Variants in FCHO2 observed in about 807,000 individuals in gnomAD.
The protein encoded by FCHO2 is F-BAR domain only protein 2.
In FCHO2, 43 loss-of-function variants were observed where a neutral mutation model predicts 114.1. That is an observed-to-expected ratio of 0.38 (90% confidence interval 0.30 to 0.49). FCHO2 has a LOEUF of 0.49. Among genes scored for constraint, FCHO2 ranks in the 20% least tolerant of loss-of-function variants. The pLI, the probability that FCHO2 is intolerant of heterozygous loss-of-function variation, is 0.97. For missense variants in FCHO2, 807 were observed against 950.4 expected (o/e 0.85, Z 1.98); for synonymous variants, 293 against 315.2 (o/e 0.93, Z 0.75).
Position 73,017,298 on chromosome 5 carries a change from GGAAAGA to G in FCHO2, c.787_792del (p.Glu263_Arg264del). The G allele has an allele frequency of 6.4e-7, 1 of 1,553,988 alleles. No individual in the cohort carries two copies. The highest frequency in any genetic ancestry group is 8.7e-7 in the Non-Finnish European group (1 of 1,146,790). On this transcript the variant is annotated inframe_deletion, in exon 8 of 26. Transcript: ENST00000430046. ...TTGCTGAGTCAAAAGGCACTGGGAAGGAAAGACCTGGTAAGATGATAAACTCTGCAA... is the reference window on the plus strand; with the variant it reads ...TTGCTGAGTCAAAAGGCACTGGGAAGCCTGGTAAGATGATAAACTCTGCAA...
rs1754153723 is a variant in FCHO2, at chr5:72,996,971, G to T, written c.495+6107G>T. On this transcript the variant is annotated intron_variant, in intron 5 of 25. Transcript: ENST00000430046. ...GCTGCGCACGTTCGTGGCCTTCGCC[G>T]CCAAGCTCTGGAGCTTCTCCGCCCT... 9.3e-6 allele frequency: 15 copies of T among 1,606,990 alleles called. 1 individual carries two copies. The South Asian group carries it at 1.2e-4, about 13-fold the overall frequency.
intron 11 of FCHO2, among the ~76,000 whole-genome samples, chr5:73,050,277 C>T (rs1757279532): frequency 6.6e-6 from 1 of 150,944 alleles, no homozygotes; most frequent in South Asian, 2.1e-4. Flanking sequence ...CTCCCTCCCT[C>T]TCTGTTTAGC....
intron 25 of FCHO2, 55 bp downstream of exon 25, chr5:73,087,808 A>G (rs1429962879): frequency 1.3e-6 from 2 of 1,520,002 alleles, no homozygotes; most frequent in African/African-American, 2.8e-5. Context: ...TTGTATTCTA[A>G]CAGTTATTAA....
At chr5:73,056,218 G>T in intron 16 of FCHO2, 111 bp downstream of exon 16, 1 of 751,416 alleles carries the variant, frequency 1.3e-6, no homozygotes, top group Non-Finnish European at 2.1e-6. Context: ...TATGCTCCCT[G>T]CCCCTTCATA....
intron 18 of FCHO2, among the ~76,000 whole-genome samples, chr5:73,067,611 G>A (rs1742417367): frequency 6.6e-6 from 1 of 151,924 alleles, no homozygotes; most frequent in African/African-American, 2.4e-5. Flanking sequence ...TGCAAGTAGG[G>A]TTTTGTTTTT....
intron 2 of FCHO2, among the ~76,000 whole-genome samples, chr5:72,984,559 C>T (rs1753401206): frequency 6.6e-6 from 1 of 152,152 alleles, no homozygotes; most frequent in African/African-American, 2.4e-5. Context: ...TTTCTTTAAT[C>T]ATTATAGGAC....
At chr5:73,020,868 T>C (rs1018104898) in intron 8 of FCHO2, 15 of 1,000,808 alleles carry the variant, frequency 1.5e-5, no homozygotes, top group Non-Finnish European at 2.4e-5. Context: ...CCATTAAGTG[T>C]AGCACCTGTA....
chr5:72,968,552 A>C lies in FCHO2; in HGVS notation c.88A>C (p.Ile30Leu). 1 of 1,545,124 alleles carries C rather than the reference A, an allele frequency of 6.5e-7. No individual in the cohort carries two copies. Among genetic ancestry groups the C allele is most frequent in the South Asian group, 1.3e-5 (1 of 77,016 alleles). Residue 30 changes from isoleucine to leucine, a missense_variant, in exon 2 of 26, where the codon ATA (isoleucine) becomes CTA (leucine). By Grantham distance (5) the Ile-to-Leu change is conservative (BLOSUM62 2). Transcript: ENST00000430046. ...CTACCATAATATGAAACATGGACAG[A>C]TATCAACAAAAGAACTAGCAGATTT... ...VLYHNMKHGQISTKELADFVR... is the reference protein window; with the variant it reads ...VLYHNMKHGQLSTKELADFVR...
intron 13 of FCHO2, 90 bp downstream of exon 13, chr5:73,052,597 A>G (rs901373426): frequency 8.0e-5 from 82 of 1,022,918 alleles, no homozygotes; most frequent in Admixed American, 3.0e-5. Flanking sequence ...AGCAATTGTT[A>G]AGCATGTTGA....
chr5:73,054,059 A>T (rs1224903298), intron 13 of FCHO2, 101 bp from the exon 14 acceptor site: 19 of 876,472 alleles, frequency 2.2e-5, no homozygotes, highest in Non-Finnish European at 3.0e-5. Context: ...AGGTGTATAT[A>T]GTTTAGATAT....
intron 2 of FCHO2, among the ~76,000 whole-genome samples, chr5:72,981,157 A>T (rs757120542): frequency 9.9e-5 from 15 of 152,120 alleles, no homozygotes; most frequent in Admixed American, 2.0e-4. Flanking sequence ...GAAATCTCTC[A>T]GCATTTGCTT....
At position 73,051,384 on chromosome 5, in the gene FCHO2, TA is replaced by T; in HGVS notation, c.978del (p.Lys326AsnfsTer32). The T allele has an allele frequency of 6.5e-7, 1 of 1,535,952 alleles. No homozygotes were observed. ...PDVDEEGYSI[K>X]PETNQNDTKE... ...ATGTAGATGAAGAAGGCTACAGTAT[TA>T]AACCAGAAACAAATCAGAATGATAT... is the stretch of plus-strand genomic sequence containing the variant. On this transcript the variant is annotated frameshift_variant, in exon 12 of 26. Coordinates refer to ENST00000430046, the MANE Select transcript of FCHO2 (RefSeq NM_138782.3). LOFTEE classifies it high-confidence loss of function.
At chr5:73,080,629 A>AT (rs1561497801) in intron 22 of FCHO2, among the ~76,000 whole-genome samples, 1 of 151,918 alleles carries the variant, frequency 6.6e-6, no homozygotes, top group Non-Finnish European at 1.5e-5. Flanking sequence ...ATATTTCTCT[A>AT]TTTTTTTAGT....
intron 2 of FCHO2, among the ~76,000 whole-genome samples, chr5:72,980,474 G>C (rs548112691): frequency 1.2e-4 from 19 of 152,270 alleles, no homozygotes; most frequent in African/African-American, 4.6e-4. Context: ...GCTTGGTCCA[G>C]AGCTGAGTTC....
chr5:73,086,076 C>A (rs1189983771), intron 24 of FCHO2, among the ~76,000 whole-genome samples: 1 of 151,270 alleles, frequency 6.6e-6, no homozygotes, highest in African/African-American at 2.4e-5. Flanking sequence ...GAGCCAAGAT[C>A]GTGCCACTGC....
chr5:73,016,999 C>T (rs558259713), intron 7 of FCHO2, among the ~76,000 whole-genome samples: 4 of 152,150 alleles, frequency 2.6e-5, no homozygotes, highest in South Asian at 2.1e-4. Context: ...CTTCTAGGGG[C>T]GTGAGGCTAT....
chr5:73,055,594 T>C (rs1412781385), intron 15 of FCHO2, among the ~76,000 whole-genome samples: 1 of 152,222 alleles, frequency 6.6e-6, no homozygotes, highest in Non-Finnish European at 1.5e-5. Context: ...AGAGACTTGC[T>C]CCAGGTTGCT....
At chr5:72,969,698 G>A (rs545449521) in intron 2 of FCHO2, among the ~76,000 whole-genome samples, 7 of 152,128 alleles carry the variant, frequency 4.6e-5, no homozygotes, top group African/African-American at 1.7e-4. Flanking sequence ...TCCTTCCTTT[G>A]CCCAGAATCT....
chr5:73,068,802 A>G lies in FCHO2; in HGVS notation c.1579+23A>G, dbSNP rs373454292. On this transcript the variant is annotated intron_variant, in intron 19 of 25. Coordinates refer to ENST00000430046, the MANE Select transcript of FCHO2 (RefSeq NM_138782.3). Reference sequence around the variant, plus strand: ...TAGGTAAGTGATTATCATCAATTACATGTGAAATGTAGTGTACAAAGTATA... The same window carrying G: ...TAGGTAAGTGATTATCATCAATTACGTGTGAAATGTAGTGTACAAAGTATA... 72 of 1,608,414 alleles carry G rather than the reference A, an allele frequency of 4.5e-5. 1 individual carries two copies. In the African/African-American group the frequency reaches 7.4e-4, roughly 16 times the overall value.
Sources: gnomAD v4.1 joint callset for allele counts (sites outside exome capture counted in the v4.1 genomes callset) on GRCh38, gnomAD v4.1.1 for gene constraint, MANE v1.5 for transcripts, NCBI Gene and HGNC (gene_info 2026-07-23, HGNC 2026-07-21) for gene names.